Variants in NKAIN2 observed in about 807,000 individuals in gnomAD.
The protein encoded by NKAIN2 is sodium/potassium transporting ATPase interacting 2, also known as sodium/potassium-transporting ATPase subunit beta-1-interacting protein 2.
Under a neutral mutation model 32.6 loss-of-function variants are expected in NKAIN2, and 14 were observed. That is an observed-to-expected ratio of 0.43 (90% CI 0.28 to 0.67). The LOEUF is 0.67. Ranked by LOEUF, NKAIN2 falls within the 30% of genes least tolerant of loss-of-function variation. NKAIN2 has a pLI of 0.17. For missense variants in NKAIN2, 198 were observed against 258.3 expected (o/e 0.77, Z 1.60); for synonymous variants, 80 against 87.2 (o/e 0.92, Z 0.46).
intron 1 of NKAIN2, among the ~76,000 whole-genome samples, chr6:124,084,938 A>C (rs1784125529): frequency 6.6e-6 from 1 of 152,070 alleles, no homozygotes; most frequent in African/African-American, 2.4e-5. Context: ...AGTGCACAGC[A>C]GGTAAATGCT....
chr6:124,213,701 T>C (rs1189209108), intron 1 of NKAIN2, among the ~76,000 whole-genome samples: 2 of 152,128 alleles, frequency 1.3e-5, no homozygotes, highest in Non-Finnish European at 2.9e-5. Flanking sequence ...ATAAAATGTG[T>C]AATGATAAAT....
At chr6:124,394,667 A>T (rs1261786352) in intron 3 of NKAIN2, among the ~76,000 whole-genome samples, 1 of 152,022 alleles carries the variant, frequency 6.6e-6, no homozygotes, top group African/African-American at 2.4e-5. Context: ...AAAAAAAAAA[A>T]ACAGTGTCCC....
intron 3 of NKAIN2, among the ~76,000 whole-genome samples, chr6:124,657,589 T>G (rs960333724): frequency 3.3e-5 from 5 of 152,106 alleles, no homozygotes; most frequent in Admixed American, 1.3e-4. Flanking sequence ...TAAGAAACAT[T>G]ATGACCAATT....
At chr6:124,706,997 C>G (rs141402967) in intron 4 of NKAIN2, among the ~76,000 whole-genome samples, 74 of 135,150 alleles carry the variant, frequency 5.5e-4, no homozygotes, top group Admixed American at 2.4e-3. Flanking sequence ...CCCCTCCCCC[C>G]ACCCCACCAC....
At chr6:124,290,487 G>T (rs1234535587) in intron 2 of NKAIN2, among the ~76,000 whole-genome samples, 1 of 146,160 alleles carries the variant, frequency 6.8e-6, no homozygotes, top group African/African-American at 2.5e-5. Flanking sequence ...TCTCTTTATA[G>T]TTCTTCTGGG....
At chr6:123,860,665 C>T (rs1046834142) in intron 1 of NKAIN2, among the ~76,000 whole-genome samples, 9 of 152,190 alleles carry the variant, frequency 5.9e-5, no homozygotes, top group Non-Finnish European at 1.2e-4. Context: ...TCCCCCTTGG[C>T]CTCCAAAGGG....
intron 1 of NKAIN2, among the ~76,000 whole-genome samples, chr6:123,984,980 T>C (rs1479388205): frequency 6.6e-6 from 1 of 152,210 alleles, no homozygotes. Context: ...GCAAAATGTG[T>C]TAAATTTATA....
intron 1 of NKAIN2, among the ~76,000 whole-genome samples, chr6:124,015,711 A>G (rs1045961376): frequency 6.6e-6 from 1 of 152,194 alleles, no homozygotes; most frequent in Non-Finnish European, 1.5e-5. Context: ...TTTGATACGT[A>G]TGCTCATCAG....
At chr6:124,230,297 GA>G (rs1792381275) in intron 1 of NKAIN2, among the ~76,000 whole-genome samples, 3 of 152,308 alleles carry the variant, frequency 2.0e-5, no homozygotes, top group South Asian at 4.1e-4. Flanking sequence ...AAGCATTTAA[GA>G]AGTGACTTGG....
At chr6:124,043,905 G>T (rs1441186529) in intron 1 of NKAIN2, among the ~76,000 whole-genome samples, 1 of 152,030 alleles carries the variant, frequency 6.6e-6, no homozygotes, top group Non-Finnish European at 1.5e-5. Context: ...TGACTTCCCT[G>T]GTGAACGGAA....
At chr6:124,021,609 T>C (rs1331395552) in intron 1 of NKAIN2, among the ~76,000 whole-genome samples, 1 of 152,050 alleles carries the variant, frequency 6.6e-6, no homozygotes, top group Non-Finnish European at 1.5e-5. Flanking sequence ...TACATTTTTA[T>C]ATCTCTTGGA....
chr6:123,942,252 A>G (rs991719416), intron 1 of NKAIN2, among the ~76,000 whole-genome samples: 3 of 152,050 alleles, frequency 2.0e-5, no homozygotes, highest in Non-Finnish European at 4.4e-5. Flanking sequence ...TTAAGTCAGC[A>G]GAATAGGAAT....
intron 1 of NKAIN2, among the ~76,000 whole-genome samples, chr6:124,051,770 A>G (rs935392460): frequency 3.9e-5 from 6 of 152,068 alleles, no homozygotes; most frequent in Non-Finnish European, 7.4e-5. Context: ...GGGGCATAGA[A>G]TGATGTTATC....
rs538385178 is a variant in NKAIN2, at chr6:124,682,521, C to A, written c.474+24135C>A. Among the ~76,000 whole-genome samples the A allele has an allele frequency of 5.9e-5, 9 of 152,212 alleles. No individual in the cohort carries two copies. In the South Asian group the frequency reaches 1.9e-3, roughly 32 times the overall value. ...TAGAGCCAGTGTTTTTGTAAGAACT[C>A]ACAACCACAGGATATCATTATTTTA... On this transcript the variant is annotated intron_variant, in intron 4 of 6. Transcript: ENST00000368417.
chr6:124,614,224 T>C (rs935301426), intron 3 of NKAIN2, among the ~76,000 whole-genome samples: 1 of 152,214 alleles, frequency 6.6e-6, no homozygotes, highest in African/African-American at 2.4e-5. Flanking sequence ...TGAAGCCCCA[T>C]CTCTACTAAA....
chr6:124,169,200 T>C (rs891691835), intron 1 of NKAIN2, among the ~76,000 whole-genome samples: 2 of 152,114 alleles, frequency 1.3e-5, no homozygotes, highest in African/African-American at 4.8e-5. Flanking sequence ...AATTTCTGTG[T>C]TTTTTTCTAG....
chr6:124,684,934 CCTT>C (rs970832185), intron 4 of NKAIN2, among the ~76,000 whole-genome samples: 3 of 152,156 alleles, frequency 2.0e-5, no homozygotes, highest in African/African-American at 7.2e-5. Flanking sequence ...TCCTATTCCT[CCTT>C]CTTGTTTCCT....
intron 1 of NKAIN2, among the ~76,000 whole-genome samples, chr6:123,900,294 AC>A (rs771018793): frequency 9.9e-5 from 15 of 151,884 alleles, no homozygotes; most frequent in Admixed American, 6.6e-4. Context: ...ACATGGTGAA[AC>A]CCCGTCTCTA....
chr6:124,365,076 T>C (rs1244313237), intron 3 of NKAIN2, among the ~76,000 whole-genome samples: 1 of 151,648 alleles, frequency 6.6e-6, no homozygotes, highest in Non-Finnish European at 1.5e-5. Context: ...AAAAATTAAA[T>C]AATGAAAATA....
Sources: allele counts gnomAD v4.1 joint callset (sites outside exome capture counted in the v4.1 genomes callset), GRCh38; gene constraint gnomAD v4.1.1; transcripts MANE v1.5; gene names NCBI Gene and HGNC (gene_info 2026-07-23, HGNC 2026-07-21).